Variants in COQ3 observed in about 807,000 individuals in gnomAD.
COQ3 encodes the protein coenzyme Q3, methyltransferase.
Under a neutral mutation model 33.1 loss-of-function variants are expected in COQ3, and 29 were observed. That is an observed-to-expected ratio of 0.88 (90% confidence interval 0.65 to 1.19). The LOEUF is 1.19. COQ3 is among the 50% of genes most tolerant of loss of function. The pLI, the probability that COQ3 is intolerant of heterozygous loss-of-function variation, is 0.00. For synonymous variants in COQ3, 173 were observed against 157.8 expected (o/e 1.10, Z -0.72); for missense variants, 437 against 430.7 (o/e 1.01, Z -0.13).
At chr6:99,378,606 C>T (rs79726595) in intron 3 of COQ3, among the ~76,000 whole-genome samples, 2 of 152,134 alleles carry the variant, frequency 1.3e-5, no homozygotes, top group African/African-American at 2.4e-5. Flanking sequence ...GTGCTGACCC[C>T]TCCCCAGAGC....
intron 6 of COQ3, among the ~76,000 whole-genome samples, chr6:99,370,307 T>C (rs1774091797): frequency 6.6e-6 from 1 of 151,870 alleles, no homozygotes; most frequent in African/African-American, 2.4e-5. Flanking sequence ...AACATTTTTT[T>C]CCTACTTTCT....
chr6:99,373,255 A>G (rs1051399781), intron 5 of COQ3, among the ~76,000 whole-genome samples: 7 of 152,202 alleles, frequency 4.6e-5, no homozygotes, highest in African/African-American at 1.7e-4. Flanking sequence ...CGAGAACCGC[A>G]TCTCTACAAA....
At chr6:99,386,641 A>G (rs1368356517) in intron 1 of COQ3, among the ~76,000 whole-genome samples, 1 of 152,228 alleles carries the variant, frequency 6.6e-6, no homozygotes, top group East Asian at 1.9e-4. Context: ...ATAGACATTA[A>G]AAGGTTGATA....
At chr6:99,377,245 G>A in intron 4 of COQ3, 141 bp downstream of exon 4, 1 of 679,416 alleles carries the variant, frequency 1.5e-6, no homozygotes, top group Non-Finnish European at 2.6e-6. Context: ...CCAGACCTCA[G>A]GTGATCCACC....
chr6:99,391,063 G>C (rs1234068705), intron 1 of COQ3, among the ~76,000 whole-genome samples: 1 of 146,448 alleles, frequency 6.8e-6, no homozygotes, highest in Non-Finnish European at 1.5e-5. Flanking sequence ...CATGTGTCTA[G>C]GCTTTTGCTC....
chr6:99,394,190 G>A lies in COQ3; in HGVS notation c.-11C>T, dbSNP rs779666159. On this transcript the variant is annotated 5_prime_UTR_variant, in exon 1 of 7. Coordinates refer to ENST00000254759, the MANE Select transcript of COQ3 (RefSeq NM_017421.4). ...ACGGCCACTCCACATCGCGACAAAC[G>A]ATCCCACCTCTTTTCCGGTCCCTCC... 6.4e-7 allele frequency: 1 copy of A among 1,554,604 alleles called. No homozygotes were observed. The highest frequency in any genetic ancestry group is 1.2e-5 in the South Asian group (1 of 86,372).
chr6:99,376,129 G>C lies in COQ3; in HGVS notation c.540C>G (p.Asn180Lys). ...SVIGIDPVDE[N>K]IKTAQCHKSF... ...ATTTATGGCATTGTGCTGTTTTAAT[G>C]TTCTCATCCACAGGGTCGATTCCAA... The change falls in exon 5 of 7, where the codon AAC becomes AAG. Residue 180 changes from asparagine (N) to lysine (K), a missense_variant. Coordinates refer to ENST00000254759, the MANE Select transcript of COQ3 (RefSeq NM_017421.4). 1 of 1,613,988 alleles carries C rather than the reference G, an allele frequency of 6.2e-7. No homozygotes were observed. The highest frequency in any genetic ancestry group is 8.5e-7 in the Non-Finnish European group (1 of 1,179,978).
At chr6:99,374,137 A>T (rs4840035) in intron 5 of COQ3, among the ~76,000 whole-genome samples, 37,099 of 149,950 alleles carry the variant, frequency 0.25, 5,083 homozygotes, top group Middle Eastern at 0.37. Flanking sequence ...AAAAAAAAAA[A>T]AAAAAATTAA....
intron 6 of COQ3, 143 bp from the exon 7 acceptor site, chr6:99,369,963 C>T (rs1774080910): frequency 4.9e-6 from 3 of 617,810 alleles, no homozygotes; most frequent in Non-Finnish European, 2.8e-6. Context: ...GGATTCCTAA[C>T]TTAATGGGCA....
At chr6:99,380,424 C>T in intron 2 of COQ3, 83 bp from the exon 3 acceptor site, 3 of 1,408,030 alleles carry the variant, frequency 2.1e-6, no homozygotes, top group Non-Finnish European at 2.9e-6. Context: ...GAAAGATAGT[C>T]TTATTTACAA....
In COQ3 at chr6:99,369,664, T is replaced by C. The variant is rs1365653421; in HGVS notation, c.1046A>G (p.Glu349Gly). The C allele has an allele frequency of 1.2e-6, 2 of 1,614,132 alleles. No individual in the cohort carries two copies. The highest frequency in any genetic ancestry group is 2.2e-5 in the East Asian group (1 of 44,872). ...PASAEFVLKGETEELQANACT... is the reference protein window; with the variant it reads ...PASAEFVLKGGTEELQANACT... ...GGCATTAGCTTGGAGCTCTTCTGTT[T>C]CTCCCTTTAAAACAAACTCAGCAGA... The change falls in exon 7 of 7, where the codon GAA (glutamate) becomes GGA (glycine). Residue 349 changes from glutamate (E) to glycine (G), a missense_variant. Glu to Gly is a moderately conservative substitution (Grantham distance 98). Coordinates refer to ENST00000254759, the MANE Select transcript of COQ3 (RefSeq NM_017421.4).
intron 3 of COQ3, among the ~76,000 whole-genome samples, chr6:99,378,343 G>C (rs1774367068): frequency 6.6e-6 from 1 of 151,626 alleles, no homozygotes; most frequent in South Asian, 2.1e-4. Flanking sequence ...ATACAGAAAA[G>C]ACCCATTTCA....
chr6:99,369,567 C>T lies in COQ3; in HGVS notation c.*33G>A. The stretch of plus-strand genomic sequence containing the variant: ...TTTTGTATTTGAAAACATCAGATAT[C>T]CAAGCCATATTACTATAGTTCTCAG... On this transcript the variant is annotated 3_prime_UTR_variant, in exon 7 of 7. Transcript: ENST00000254759. 7.0e-7 allele frequency: 1 copy of T among 1,430,936 alleles called. No homozygotes were observed. Among genetic ancestry groups the T allele is most frequent in the South Asian group, 1.2e-5 (1 of 85,034 alleles). The allele number at this position is 1,430,936 out of a possible 1,614,324, so 88.6% of individuals were successfully genotyped here.
At chr6:99,390,356 C>T (rs1436537790) in intron 1 of COQ3, among the ~76,000 whole-genome samples, 1 of 139,066 alleles carries the variant, frequency 7.2e-6, no homozygotes, top group Non-Finnish European at 1.5e-5. Flanking sequence ...TTTTTTGAGA[C>T]GGAGTCTTGC....
Position 99,371,468 on chromosome 6 carries a change from C to T in COQ3, c.849G>A (p.Lys283=), listed in dbSNP as rs1249595496. Residue 283 remains lysine (K), a synonymous_variant, in exon 6 of 7, where the codon AAG becomes AAA. Transcript: ENST00000254759. ...TCTCTAGTGTTTCAGGTGAAACAAA[C>T]TTCTCCCATGTATGAGTACCTTTTG... ...IVPKGTHTWE[K]FVSPETLESI... 6.2e-7 allele frequency: 1 copy of T among 1,603,678 alleles called. No individual in the cohort carries two copies. The highest frequency in any genetic ancestry group is 2.2e-5 in the East Asian group (1 of 44,454).
At chr6:99,393,612 T>A (rs1774888488) in intron 1 of COQ3, among the ~76,000 whole-genome samples, 1 of 152,202 alleles carries the variant, frequency 6.6e-6, no homozygotes, top group Non-Finnish European at 1.5e-5. Flanking sequence ...GCAAATGCAG[T>A]CTGTTGGATT....
Position 99,380,272 on chromosome 6 carries a change from C to T in COQ3, c.303G>A (p.Leu101=). 3 of 1,613,976 alleles carry T rather than the reference C, an allele frequency of 1.9e-6. No individual in the cohort carries two copies. Among genetic ancestry groups the T allele is most frequent in the East Asian group, 2.2e-5 (1 of 44,868 alleles). ...CATCCCACCATTTGTGAGCCAGGGC[C>T]AAGAAGGTTTTTACCTCACCGCTGT... The part of the protein sequence containing the change: ...TVDSGEVKTF[L]ALAHKWWDEQ... The change falls in exon 3 of 7, where the codon TTG becomes TTA. Residue 101 remains leucine, a synonymous_variant. Coordinates refer to ENST00000254759, the MANE Select transcript of COQ3 (RefSeq NM_017421.4).
chr6:99,383,677 C>A, intron 2 of COQ3, 21 bp downstream of exon 2: 1 of 1,536,972 alleles, frequency 6.5e-7, no homozygotes, highest in Non-Finnish European at 8.8e-7. Context: ...TGAATATTTG[C>A]CACAGTAATA....
chr6:99,371,114 A>T (rs1774130650), intron 6 of COQ3, among the ~76,000 whole-genome samples: 1 of 152,254 alleles, frequency 6.6e-6, no homozygotes, highest in Admixed American at 6.5e-5. Flanking sequence ...TCAAGAAGGC[A>T]GACTGAGAAT....
Sources: gnomAD v4.1 joint callset for allele counts (sites outside exome capture counted in the v4.1 genomes callset) on GRCh38, gnomAD v4.1.1 for gene constraint, MANE v1.5 for transcripts, NCBI Gene and HGNC (gene_info 2026-07-23, HGNC 2026-07-21) for gene names.